Variants in NRXN3 observed in about 807,000 individuals in gnomAD.
NRXN3 encodes the protein neurexin 3, also known as neurexin III.
In NRXN3, 32 loss-of-function variants were observed where a neutral mutation model predicts 137.6. That is an observed-to-expected ratio of 0.23 (90% CI 0.18 to 0.31). NRXN3 has a LOEUF of 0.31. Among genes scored for constraint, NRXN3 ranks in the 10% least tolerant of loss-of-function variants. The probability of loss-of-function intolerance (pLI) is 1.00; values close to 1 mark genes in which losing one functional copy is unlikely to be tolerated. For synonymous variants in NRXN3, 798 were observed against 784.5 expected, an observed-to-expected ratio of 1.02 and a Z score of -0.29; for missense variants, 1,574 against 2,062.5, an observed-to-expected ratio of 0.76 and a Z score of 4.59.
Position 79,216,989 on chromosome 14 carries a change from T to C in NRXN3, c.3262+228848T>C, listed in dbSNP as rs1004121678. Among the ~76,000 whole-genome samples the C allele has an allele frequency of 2.0e-5, 3 of 151,814 alleles. 1 individual carries two copies. The South Asian group carries it at 6.2e-4, about 32-fold the overall frequency. On this transcript the variant is annotated intron_variant, in intron 15 of 20. Transcript: ENST00000335750. ...GTCTCTACTAAAAGTACAAAAAAAT[T>C]AGCCAGGCGTGGTGGCACATGCCTG...
intron 4 of NRXN3, among the ~76,000 whole-genome samples, chr14:78,467,390 C>A (rs2153724923): frequency 6.6e-6 from 1 of 152,280 alleles, no homozygotes; most frequent in Non-Finnish European, 1.5e-5. Context: ...ATAAACAACA[C>A]AAGCACAATA....
chr14:79,209,227 T>A (rs957702793), intron 15 of NRXN3, among the ~76,000 whole-genome samples: 4 of 152,126 alleles, frequency 2.6e-5, no homozygotes, highest in Non-Finnish European at 5.9e-5. Context: ...CGTGAGCCAC[T>A]GCGCCCGGTG....
intron 4 of NRXN3, among the ~76,000 whole-genome samples, chr14:78,427,968 T>C (rs1035461853): frequency 1.1e-4 from 16 of 152,204 alleles, no homozygotes; most frequent in Non-Finnish European, 5.9e-5. Flanking sequence ...CAAATGACTT[T>C]GGAGTCAGAA....
chr14:79,597,485 C>G (rs937949591), intron 16 of NRXN3, among the ~76,000 whole-genome samples: 1 of 152,076 alleles, frequency 6.6e-6, no homozygotes, highest in Non-Finnish European at 1.5e-5. Flanking sequence ...TTTTAGTATG[C>G]GAGTAATCAC....
intron 4 of NRXN3, among the ~76,000 whole-genome samples, chr14:78,455,766 C>T (rs1443016510): frequency 6.6e-6 from 1 of 152,096 alleles, no homozygotes; most frequent in Non-Finnish European, 1.5e-5. Context: ...AGCCACCACC[C>T]CACCTTCTAT....
At chr14:78,335,863 A>G (rs2081400392) in intron 4 of NRXN3, among the ~76,000 whole-genome samples, 1 of 152,202 alleles carries the variant, frequency 6.6e-6, no homozygotes, top group South Asian at 2.1e-4. Context: ...GGTGAGGCTA[A>G]TGGGAAAAGC....
chr14:79,081,351 C>T (rs1037979476), intron 15 of NRXN3, among the ~76,000 whole-genome samples: 1 of 152,044 alleles, frequency 6.6e-6, no homozygotes, highest in Non-Finnish European at 1.5e-5. Context: ...TGCGGTGGCT[C>T]ACGCCTGTAA....
rs17109810 is a variant in NRXN3, at chr14:79,774,719, T to G, written c.4015-30393T>G. ...TTTTTTATGGAAATAATAGTGCACA[T>G]GCAGATTCTAGATATTATTTTCTAT... On this transcript the variant is annotated intron_variant, in intron 19 of 20. Transcript: ENST00000335750. Among the ~76,000 whole-genome samples, 1,644 of 152,278 alleles carry G rather than the reference T, an allele frequency of 0.011. 66 individuals carry two copies. In the East Asian group the frequency reaches 0.11, roughly 10 times the overall value.
chr14:78,723,826 C>T (rs997648190), intron 8 of NRXN3, among the ~76,000 whole-genome samples: 3 of 151,930 alleles, frequency 2.0e-5, no homozygotes, highest in Non-Finnish European at 2.9e-5. Flanking sequence ...GGAAATGACC[C>T]AGGTCTTATT....
At chr14:79,229,009 A>G (rs947449302) in intron 15 of NRXN3, among the ~76,000 whole-genome samples, 6 of 152,138 alleles carry the variant, frequency 3.9e-5, no homozygotes, top group Non-Finnish European at 7.4e-5. Flanking sequence ...AGACTAACAC[A>G]CTAAAACCCA....
chr14:78,979,057 C>T (rs2099480963), intron 14 of NRXN3, among the ~76,000 whole-genome samples: 1 of 152,008 alleles, frequency 6.6e-6, no homozygotes, highest in Non-Finnish European at 1.5e-5. Context: ...CCTTCCTCTG[C>T]CTTTTTCTTC....
chr14:79,489,869 C>T (rs553703154), intron 16 of NRXN3, among the ~76,000 whole-genome samples: 39 of 151,814 alleles, frequency 2.6e-4, no homozygotes, highest in Middle Eastern at 3.4e-3. Flanking sequence ...GAAACTCCAC[C>T]TCTACTAAAA....
rs539560689 is a variant in NRXN3, at chr14:79,045,797, C to T, written c.3262+57656C>T. ...GCCGCTTGGTGTGTATATTATTCGCCAGTGATTGATAATGCCTCGGGACCA... is the reference window on the plus strand; with the variant it reads ...GCCGCTTGGTGTGTATATTATTCGCTAGTGATTGATAATGCCTCGGGACCA... On this transcript the variant is annotated intron_variant, in intron 15 of 20. Coordinates refer to ENST00000335750, the MANE Select transcript of NRXN3 (RefSeq NM_001330195.2). Among the ~76,000 whole-genome samples, 178 of 152,226 alleles carry T rather than the reference C, an allele frequency of 1.2e-3. 1 individual carries two copies. The highest frequency in any genetic ancestry group is 3.8e-3 in the African/African-American group (158 of 41,538).
Position 79,868,179 on chromosome 14 carries a change from C to T in NRXN3, c.*6215C>T, listed in dbSNP as rs943091910. The T allele has an allele frequency of 5.3e-5, 8 of 151,954 alleles. No homozygotes were observed. Among genetic ancestry groups the T allele is most frequent in the African/African-American group, 1.5e-4 (6 of 41,378 alleles). 9.4% of individuals were successfully genotyped at this position (151,954 alleles called of 1,614,324 possible). On this transcript the variant is annotated 3_prime_UTR_variant, in exon 21 of 21. Transcript: ENST00000335750. ...TAATTATCCTTAAATAAATGTTGGT[C>T]GTTATTACAATTGGCTTTGTTACTT...
intron 4 of NRXN3, among the ~76,000 whole-genome samples, chr14:78,451,037 G>C (rs923951157): frequency 1.5e-4 from 23 of 152,230 alleles, no homozygotes; most frequent in African/African-American, 5.3e-4. Context: ...GCAGAGATGG[G>C]GAAGGATGGG....
At chr14:79,537,742 C>T (rs1161597914) in intron 16 of NRXN3, among the ~76,000 whole-genome samples, 5 of 152,176 alleles carry the variant, frequency 3.3e-5, no homozygotes, top group African/African-American at 1.2e-4. Flanking sequence ...AATAGTGCCG[C>T]AATAAACATA....
At chr14:78,584,294 A>C (rs1479596212) in intron 4 of NRXN3, among the ~76,000 whole-genome samples, 1 of 152,208 alleles carries the variant, frequency 6.6e-6, no homozygotes, top group Non-Finnish European at 1.5e-5. Flanking sequence ...GCTTTTGGTC[A>C]TCAGTATTTT....
At chr14:78,324,314 T>C (rs2079773008) in intron 4 of NRXN3, among the ~76,000 whole-genome samples, 1 of 152,066 alleles carries the variant, frequency 6.6e-6, no homozygotes, top group Non-Finnish European at 1.5e-5. Flanking sequence ...ATACCTGGCA[T>C]TGCTGTGGGT....
chr14:79,130,080 G>A (rs866958743), intron 15 of NRXN3, among the ~76,000 whole-genome samples: 2,112 of 151,716 alleles, frequency 0.014, 47 homozygotes, highest in African/African-American at 0.048. Flanking sequence ...GTCTCTGCAC[G>A]TGAGATGGGT....
Sources: gnomAD v4.1 joint callset for allele counts (sites outside exome capture counted in the v4.1 genomes callset) on GRCh38, gnomAD v4.1.1 for gene constraint, MANE v1.5 for transcripts, NCBI Gene and HGNC (gene_info 2026-07-23, HGNC 2026-07-21) for gene names.